Variants in RPTOR observed in about 807,000 individuals in gnomAD.
RPTOR encodes the protein regulatory associated protein of MTOR complex 1, also known as regulatory-associated protein of mTOR.
Under a neutral mutation model 169.9 loss-of-function variants are expected in RPTOR, and 21 were observed. The ratio of observed to expected loss-of-function variants is 0.12; its 90% CI spans 0.09 to 0.18. The LOEUF is 0.18. Among genes scored for constraint, RPTOR ranks in the 10% least tolerant of loss-of-function variants. The pLI, the probability that RPTOR is intolerant of heterozygous loss-of-function variation, is 1.00. For missense variants in RPTOR, 1,133 were observed against 1,855.9 expected, an observed-to-expected ratio of 0.61 and a Z score of 7.16; for synonymous variants, 732 against 753.2, an observed-to-expected ratio of 0.97 and a Z score of 0.46.
chr17:80,962,427 G>A lies in RPTOR; in HGVS notation c.3693-34G>A, dbSNP rs374794240. ...TGGCCAGGCCCCTCATGGGGCCTCCGGGAGGAGGTGTCACTGTGACCCTCT... is the reference window on the plus strand; with the variant it reads ...TGGCCAGGCCCCTCATGGGGCCTCCAGGAGGAGGTGTCACTGTGACCCTCT... On this transcript the variant is annotated intron_variant, in intron 31 of 33. Transcript: ENST00000306801. The A allele has an allele frequency of 7.2e-5, 114 of 1,582,700 alleles. No homozygotes were observed. In the Admixed American group the frequency reaches 9.4e-4, roughly 13 times the overall value.
At chr17:80,683,964 A>G (rs919055987) in intron 3 of RPTOR, among the ~76,000 whole-genome samples, 1 of 152,168 alleles carries the variant, frequency 6.6e-6, no homozygotes, top group Non-Finnish European at 1.5e-5. Flanking sequence ...CATCCTCAAC[A>G]TGCCGCTCAG....
At chr17:80,634,419 CCG>C (rs1480358616) in intron 2 of RPTOR, among the ~76,000 whole-genome samples, 36 of 81,676 alleles carry the variant, frequency 4.4e-4, no homozygotes, top group Non-Finnish European at 4.6e-4. Flanking sequence ...TGTGTGCATA[CCG>C]TGTGTGTGTG....
chr17:80,813,360 G>A (rs2067292122), intron 7 of RPTOR, among the ~76,000 whole-genome samples: 1 of 152,216 alleles, frequency 6.6e-6, no homozygotes, highest in South Asian at 2.1e-4. Context: ...ATCACCTGGT[G>A]CATTATTTCC....
At chr17:80,658,443 G>A (rs190383001) in intron 3 of RPTOR, among the ~76,000 whole-genome samples, 15 of 151,968 alleles carry the variant, frequency 9.9e-5, no homozygotes, top group African/African-American at 3.4e-4. Flanking sequence ...CTGTTAAAAC[G>A]TCACACTGAC....
intron 3 of RPTOR, among the ~76,000 whole-genome samples, chr17:80,645,005 G>T (rs2065583079): frequency 2.0e-5 from 3 of 152,312 alleles, no homozygotes; most frequent in Non-Finnish European, 4.4e-5. Context: ...TAAATTGGTT[G>T]CCTCTTGATG....
intron 3 of RPTOR, among the ~76,000 whole-genome samples, chr17:80,671,267 A>G (rs1246803786): frequency 6.6e-6 from 1 of 152,072 alleles, no homozygotes; most frequent in East Asian, 1.9e-4. Context: ...CAGGCTCGGC[A>G]CAGTAGGAAG....
intron 29 of RPTOR, among the ~76,000 whole-genome samples, chr17:80,958,608 G>A (rs981920823): frequency 3.3e-5 from 5 of 151,642 alleles, no homozygotes; most frequent in South Asian, 4.2e-4. Context: ...TGGAGACGGC[G>A]TTTCACGTGT....
intron 21 of RPTOR, among the ~76,000 whole-genome samples, chr17:80,920,655 C>T (rs1235404539): frequency 6.6e-6 from 1 of 152,248 alleles, no homozygotes; most frequent in African/African-American, 2.4e-5. Context: ...CTCAGCGTGA[C>T]GTCCCAGGGC....
intron 6 of RPTOR, among the ~76,000 whole-genome samples, chr17:80,784,877 TTTG>T (rs1466613427): frequency 4.6e-5 from 7 of 152,024 alleles, no homozygotes; most frequent in South Asian, 2.1e-4. Context: ...GCTGGTTTTT[TTTG>T]TTGTTGTTGT....
chr17:80,641,771 G>C (rs12940622), intron 2 of RPTOR, among the ~76,000 whole-genome samples: 2 of 152,040 alleles, frequency 1.3e-5, no homozygotes, highest in Admixed American at 1.3e-4. Flanking sequence ...ATTGGCTGAC[G>C]GAGGGTCCTG....
At chr17:80,930,387 T>TCCC (rs1800622140) in intron 24 of RPTOR, among the ~76,000 whole-genome samples, 12 of 2,128 alleles carry the variant, frequency 5.6e-3, no homozygotes, top group African/African-American at 8.9e-3. Flanking sequence ...CCAGCTCAGC[T>TCCC]CAGCTCATTC....
chr17:80,869,203 A>G (rs1457053849), intron 13 of RPTOR, among the ~76,000 whole-genome samples: 1 of 152,156 alleles, frequency 6.6e-6, no homozygotes, highest in Admixed American at 6.5e-5. Context: ...TCTGTCGCCC[A>G]GGCTGGAGCG....
chr17:80,948,916 C>A (rs920025929), intron 27 of RPTOR, among the ~76,000 whole-genome samples: 19 of 152,266 alleles, frequency 1.2e-4, no homozygotes, highest in Middle Eastern at 6.8e-3. Context: ...GGCGGAGAGC[C>A]CAGACGTCTG....
At chr17:80,910,722 C>A (rs1341308429) in intron 21 of RPTOR, among the ~76,000 whole-genome samples, 2 of 152,150 alleles carry the variant, frequency 1.3e-5, no homozygotes, top group Non-Finnish European at 2.9e-5. Flanking sequence ...CTCCTCAGCT[C>A]CTTTTGCTGA....
At chr17:80,932,000 T>A (rs1433147094) in intron 24 of RPTOR, among the ~76,000 whole-genome samples, 2 of 152,014 alleles carry the variant, frequency 1.3e-5, no homozygotes, top group Non-Finnish European at 2.9e-5. Context: ...GCTTGAAGCA[T>A]GAGGTAGTGT....
At position 80,634,710 on chromosome 17, in the gene RPTOR, G is replaced by GTGTGCGTACTGTGTT. The variant is rs1306348375; in HGVS notation, c.265+8931_265+8932insTTGTGCGTACTGTGT. ...TACTGTGTGCGTGTGCGTACTGTGTGTGTGCGTACTGTGTGTGTGCGTACT... is the reference window on the plus strand; with the variant it reads ...TACTGTGTGCGTGTGCGTACTGTGTGTGTGCGTACTGTGTTTGTGCGTACTGTGTGTGTGCGTACT... On this transcript the variant is annotated intron_variant, in intron 2 of 33. Transcript: ENST00000306801. 1.7e-5 allele frequency among the ~76,000 whole-genome samples: 2 copies of GTGTGCGTACTGTGTT among 115,526 alleles called. 1 individual carries two copies. Among genetic ancestry groups the GTGTGCGTACTGTGTT allele is most frequent in the African/African-American group, 1.2e-4 (2 of 17,088 alleles). 75.8% of individuals were successfully genotyped at this position (115,526 alleles called of 152,430 possible).
intron 11 of RPTOR, among the ~76,000 whole-genome samples, chr17:80,847,703 A>T (rs1359754498): frequency 1.3e-5 from 2 of 152,184 alleles, no homozygotes; most frequent in African/African-American, 2.4e-5. Context: ...GAGTCGGCAG[A>T]GTTGGGTCCT....
rs117137840 is a variant in RPTOR, at chr17:80,887,713, G to T, written c.1983+2565G>T. Among the ~76,000 whole-genome samples the T allele has an allele frequency of 9.3e-4, 142 of 152,244 alleles. 2 individuals are homozygous for T. In the East Asian group the frequency reaches 0.025, roughly 27 times the overall value. On this transcript the variant is annotated intron_variant, in intron 17 of 33. Coordinates refer to ENST00000306801, the MANE Select transcript of RPTOR (RefSeq NM_020761.3). ...TTTTCCATAAAAGCAACGTGTACTG[G>T]TTACCAAAAAGGTTACATCCATCCT...
intron 21 of RPTOR, among the ~76,000 whole-genome samples, chr17:80,920,132 C>A (rs2068727320): frequency 6.6e-6 from 1 of 152,260 alleles, no homozygotes; most frequent in East Asian, 1.9e-4. Context: ...TGCCTTTGCC[C>A]CTGCCCCAGC....
Sources: gnomAD v4.1 joint callset for allele counts (sites outside exome capture counted in the v4.1 genomes callset) on GRCh38, gnomAD v4.1.1 for gene constraint, MANE v1.5 for transcripts, NCBI Gene and HGNC (gene_info 2026-07-23, HGNC 2026-07-21) for gene names.